LRP1B: variants seen among roughly 807,000 people sequenced by gnomAD.
LRP1B encodes the protein low-density lipoprotein receptor-related protein 1B.
Under a neutral mutation model 556.6 loss-of-function variants are expected in LRP1B, and 217 were observed. The ratio of observed to expected loss-of-function variants is 0.39; its 90% confidence interval spans 0.35 to 0.44. The LOEUF (loss-of-function observed/expected upper bound fraction) is 0.44. Ranked by LOEUF, LRP1B falls within the 20% of genes least tolerant of loss-of-function variation. LRP1B has a pLI of 1.00. For missense variants in LRP1B, 5,053 were observed against 5,620.8 expected, an observed-to-expected ratio of 0.90 and a Z score of 3.23; for synonymous variants, 2,047 against 1,865.8, an observed-to-expected ratio of 1.10 and a Z score of -2.50.
intron 2 of LRP1B, among the ~76,000 whole-genome samples, chr2:141,646,543 C>T (rs991514022): frequency 2.0e-5 from 3 of 152,118 alleles, no homozygotes; most frequent in African/African-American, 7.2e-5. Context: ...GCATCTTCTA[C>T]ATACCAGACA....
chr2:140,483,263 T>C (rs1260179055), intron 59 of LRP1B, among the ~76,000 whole-genome samples: 1 of 152,114 alleles, frequency 6.6e-6, no homozygotes, highest in Non-Finnish European at 1.5e-5. Flanking sequence ...TGTACTGTGC[T>C]ATTTTAATTG....
chr2:141,044,581 A>T (rs1457293341), intron 11 of LRP1B, among the ~76,000 whole-genome samples: 5 of 151,452 alleles, frequency 3.3e-5, no homozygotes, highest in African/African-American at 1.2e-4. Flanking sequence ...CAAGAAAAAA[A>T]CAAACAACCC....
intron 43 of LRP1B, among the ~76,000 whole-genome samples, chr2:140,568,836 T>C (rs1681219470): frequency 6.6e-6 from 1 of 151,952 alleles, no homozygotes; most frequent in African/African-American, 2.4e-5. Flanking sequence ...TTTACATTAT[T>C]TCAAAGAAAT....
chr2:142,063,056 CA>C (rs3041466), intron 1 of LRP1B, among the ~76,000 whole-genome samples: 1,403 of 124,946 alleles, frequency 0.011, 10 homozygotes, highest in African/African-American at 0.032. Flanking sequence ...ATTACCTGAC[CA>C]AAAAAAAAAA....
At chr2:140,451,717 G>A (rs186239627) in intron 62 of LRP1B, among the ~76,000 whole-genome samples, 101 of 151,642 alleles carry the variant, frequency 6.7e-4, no homozygotes, top group Non-Finnish European at 1.3e-3. Flanking sequence ...GATCTTTTAG[G>A]ACAAAGAAAA....
At chr2:141,808,063 C>T (rs1183974431) in intron 2 of LRP1B, among the ~76,000 whole-genome samples, 2 of 152,082 alleles carry the variant, frequency 1.3e-5, no homozygotes, top group Non-Finnish European at 2.9e-5. Flanking sequence ...CAGTCTGTTT[C>T]TCCACTGAGC....
chr2:141,178,561 A>T (rs113394870), intron 7 of LRP1B, among the ~76,000 whole-genome samples: 13 of 152,260 alleles, frequency 8.5e-5, no homozygotes, highest in African/African-American at 2.9e-4. Flanking sequence ...TAAATGTAGC[A>T]TATCCTATGT....
intron 7 of LRP1B, among the ~76,000 whole-genome samples, chr2:141,086,627 T>A (rs1335859676): frequency 2.0e-5 from 1 of 49,658 alleles, no homozygotes; most frequent in Non-Finnish European, 5.2e-5. Context: ...TTTGTGTGTG[T>A]GTGTGTGTGT....
At chr2:140,260,366 A>G (rs1388813) in intron 86 of LRP1B, among the ~76,000 whole-genome samples, 4,789 of 152,010 alleles carry the variant, frequency 0.032, 266 homozygotes, top group African/African-American at 0.11. Context: ...AGTATTTAAA[A>G]ATTATCTGTA....
At chr2:141,042,198 T>C (rs1186086717) in intron 11 of LRP1B, among the ~76,000 whole-genome samples, 1 of 152,110 alleles carries the variant, frequency 6.6e-6, no homozygotes, top group African/African-American at 2.4e-5. Context: ...AGAGATTACA[T>C]CTCTCTCTGA....
intron 2 of LRP1B, among the ~76,000 whole-genome samples, chr2:141,747,445 T>C (rs1385903163): frequency 6.6e-6 from 1 of 152,196 alleles, no homozygotes; most frequent in African/African-American, 2.4e-5. Context: ...CATGTGACTA[T>C]GATTACAACT....
In LRP1B at chr2:141,656,749, T is replaced by C. The variant is rs556116020; in HGVS notation, c.205+153530A>G. Among the ~76,000 whole-genome samples, 17 of 152,292 alleles carry C rather than the reference T, an allele frequency of 1.1e-4. No individual in the cohort carries two copies. In the South Asian group the frequency reaches 3.5e-3, roughly 32 times the overall value. The stretch of plus-strand genomic sequence containing the variant: ...AGCTGAGAACTTTGAACATTTCATA[T>C]ATATGTATGTAAAGTATGTATGAAA... On this transcript the variant is annotated intron_variant, in intron 2 of 90. Transcript: ENST00000389484.
At chr2:140,278,983 G>A (rs1255076687) in intron 84 of LRP1B, among the ~76,000 whole-genome samples, 2 of 151,960 alleles carry the variant, frequency 1.3e-5, no homozygotes, top group Non-Finnish European at 2.9e-5. Flanking sequence ...TGCTGAGTTA[G>A]ATGTTTGACT....
chr2:141,958,881 A>T (rs936787215), intron 1 of LRP1B, among the ~76,000 whole-genome samples: 5 of 151,976 alleles, frequency 3.3e-5, no homozygotes, highest in Non-Finnish European at 7.4e-5. Flanking sequence ...TATTCCTTTC[A>T]TATGGGGAAA....
intron 2 of LRP1B, among the ~76,000 whole-genome samples, chr2:141,545,456 G>T (rs945110676): frequency 6.6e-6 from 1 of 152,170 alleles, no homozygotes; most frequent in South Asian, 2.1e-4. Flanking sequence ...TTGGCAAAAG[G>T]AACCTTACAG....
rs556783299 is a variant in LRP1B, at chr2:140,902,467, C to T, written c.3766+453G>A. Among the ~76,000 whole-genome samples the T allele has an allele frequency of 3.9e-5, 6 of 152,232 alleles. No homozygotes were observed. The South Asian group carries it at 1.2e-3, about 32-fold the overall frequency. ...TATCATAATCTAAAGCCCTTGTTTGCCTTTCCCACTGTGAAAAACCACCTA... is the reference window on the plus strand; with the variant it reads ...TATCATAATCTAAAGCCCTTGTTTGTCTTTCCCACTGTGAAAAACCACCTA... On this transcript the variant is annotated intron_variant, in intron 23 of 90. Coordinates refer to ENST00000389484, the MANE Select transcript of LRP1B (RefSeq NM_018557.3).
intron 2 of LRP1B, among the ~76,000 whole-genome samples, chr2:141,598,822 C>T (rs1417118676): frequency 6.6e-6 from 1 of 151,900 alleles, no homozygotes; most frequent in African/African-American, 2.4e-5. Flanking sequence ...AGAGAAAGCT[C>T]CATGACACAA....
intron 5 of LRP1B, among the ~76,000 whole-genome samples, chr2:141,233,646 T>A (rs10183490): frequency 0.13 from 19,265 of 152,114 alleles, 1,270 homozygotes; most frequent in South Asian, 0.21. Context: ...TAAAAGTGGA[T>A]TTATTTACTT....
At chr2:141,511,476 G>A (rs922896) in intron 2 of LRP1B, among the ~76,000 whole-genome samples, 148,323 of 152,270 alleles carry the variant, frequency 0.97, 72,353 homozygotes, top group East Asian at 1. Flanking sequence ...CCACTTAAAT[G>A]TTTCTCTATT....
Sources: gnomAD v4.1 joint callset for allele counts (sites outside exome capture counted in the v4.1 genomes callset) on GRCh38, gnomAD v4.1.1 for gene constraint, MANE v1.5 for transcripts, NCBI Gene and HGNC (gene_info 2026-07-23, HGNC 2026-07-21) for gene names.